Variants in BAIAP2L1 observed in about 807,000 individuals in gnomAD.
BAIAP2L1 encodes BAR/IMD domain-containing adapter protein 2-like 1.
A neutral mutation model predicts 66.3 loss-of-function variants in BAIAP2L1; 35 were observed. That is an observed-to-expected ratio of 0.53 (90% CI 0.40 to 0.70). The LOEUF is 0.70. Among genes scored for constraint, BAIAP2L1 ranks in the 30% least tolerant of loss-of-function variants. The pLI, the probability that BAIAP2L1 is intolerant of heterozygous loss-of-function variation, is 0.00. For synonymous variants in BAIAP2L1, 269 were observed against 248.7 expected (o/e 1.08, Z -0.77); for missense variants, 622 against 656.9 (o/e 0.95, Z 0.58).
intron 3 of BAIAP2L1, among the ~76,000 whole-genome samples, chr7:98,328,203 T>C (rs893993056): frequency 6.6e-6 from 1 of 151,968 alleles, no homozygotes; most frequent in African/African-American, 2.4e-5. Flanking sequence ...ATGAGGAAGA[T>C]GGGAAGGCTG....
At chr7:98,398,029 CCTT>C (rs1282539545) in intron 1 of BAIAP2L1, among the ~76,000 whole-genome samples, 2 of 152,142 alleles carry the variant, frequency 1.3e-5, no homozygotes, top group Non-Finnish European at 2.9e-5. Flanking sequence ...TATAATTCCT[CCTT>C]TTCTCTAAAG....
At position 98,373,657 on chromosome 7, in the gene BAIAP2L1, T is replaced by G. The variant is rs79718850; in HGVS notation, c.52-11225A>C. On this transcript the variant is annotated intron_variant, in intron 1 of 13. Transcript: ENST00000005260. The stretch of plus-strand genomic sequence containing the variant: ...GAGGATTCAGTGAGGCAGCTTAACA[T>G]TATGGAGTGCTTATCATGTACTCTG... Among the ~76,000 whole-genome samples the G allele has an allele frequency of 6.6e-5, 10 of 152,294 alleles. No individual in the cohort carries two copies. The East Asian group carries it at 1.9e-3, about 29-fold the overall frequency.
chr7:98,380,142 A>T (rs1275891362), intron 1 of BAIAP2L1, among the ~76,000 whole-genome samples: 2 of 149,438 alleles, frequency 1.3e-5, no homozygotes, highest in African/African-American at 5.0e-5. Context: ...CAGTGGTGTG[A>T]TCAGACCTCA....
chr7:98,355,286 G>C, intron 2 of BAIAP2L1, 158 bp from the exon 3 acceptor site: 2 of 627,846 alleles, frequency 3.2e-6, no homozygotes, highest in Non-Finnish European at 2.9e-6. Flanking sequence ...TGTTGAGAGT[G>C]GTGCCGGGGT....
rs79447145 is a variant in BAIAP2L1 at position 98,355,207 on chromosome 7, C to T, written c.128-79G>A. ...GCAACACAAGTTTTCTTCCAAACAC[C>T]CCCTGGTCCCTTCTGGCTGCAGGAA... is the stretch of plus-strand genomic sequence containing the variant. On this transcript the variant is annotated intron_variant, in intron 2 of 13. Transcript: ENST00000005260. 260 of 971,892 alleles carry T rather than the reference C, an allele frequency of 2.7e-4. 1 individual carries two copies. In the African/African-American group the frequency reaches 3.5e-3, roughly 13 times the overall value. 60.2% of individuals were successfully genotyped at this position (971,892 alleles called of 1,614,324 possible). A position where few individuals can be genotyped will look rare whatever the true frequency, so the allele number is the denominator to read the frequency against.
intron 3 of BAIAP2L1, among the ~76,000 whole-genome samples, chr7:98,329,750 T>C (rs1801451438): frequency 6.6e-6 from 1 of 150,568 alleles, no homozygotes; most frequent in South Asian, 2.1e-4. Context: ...CCAAAAGGCA[T>C]CCCAGGAACT....
At chr7:98,315,678 A>G in intron 6 of BAIAP2L1, 66 bp from the exon 7 acceptor site, 1 of 784,144 alleles carries the variant, frequency 1.3e-6, no homozygotes, top group Non-Finnish European at 1.7e-6. Context: ...GATAGCGTGC[A>G]GCCTGACGTT....
At chr7:98,304,076 C>CG in intron 12 of BAIAP2L1, 120 bp downstream of exon 12, 1 of 1,095,284 alleles carries the variant, frequency 9.1e-7, no homozygotes, top group South Asian at 2.0e-5. Context: ...CCCTCCTCCC[C>CG]GGGGACACCA....
intron 1 of BAIAP2L1, among the ~76,000 whole-genome samples, chr7:98,382,134 G>C (rs1802774175): frequency 6.6e-6 from 1 of 151,966 alleles, no homozygotes; most frequent in African/African-American, 2.4e-5. Context: ...GTGTTAGTCA[G>C]GATGGTCTCG....
chr7:98,347,740 A>C (rs1432101099), intron 3 of BAIAP2L1, among the ~76,000 whole-genome samples: 2 of 151,984 alleles, frequency 1.3e-5, no homozygotes, highest in African/African-American at 4.8e-5. Context: ...GCGCCACTGC[A>C]CTCTGTCTGC....
intron 1 of BAIAP2L1, among the ~76,000 whole-genome samples, chr7:98,395,134 C>A (rs1401074388): frequency 4.6e-5 from 7 of 151,086 alleles, no homozygotes; most frequent in South Asian, 2.1e-4. Flanking sequence ...AAAACAAAAC[C>A]AAAGAAAGAA....
In BAIAP2L1 at chr7:98,377,556, C is replaced by T. The variant is rs531675997; in HGVS notation, c.52-15124G>A. The stretch of plus-strand genomic sequence containing the variant: ...ACACTAGGCCAGGCCCGGTGGCTCA[C>T]GCCTGTAATCCCAGCACTTTGGGAG... On this transcript the variant is annotated intron_variant, in intron 1 of 13. Transcript: ENST00000005260. 3.3e-5 allele frequency among the ~76,000 whole-genome samples: 5 copies of T among 152,228 alleles called. No individual in the cohort carries two copies. In the South Asian group the frequency reaches 8.3e-4, roughly 25 times the overall value.
intron 2 of BAIAP2L1, among the ~76,000 whole-genome samples, chr7:98,359,618 A>G (rs1398544707): frequency 6.6e-6 from 1 of 151,864 alleles, no homozygotes; most frequent in East Asian, 1.9e-4. Flanking sequence ...GCTGAAACCT[A>G]ACATCTGGCA....
At position 98,362,344 on chromosome 7, in the gene BAIAP2L1, A is replaced by C. The variant is rs1373039806; in HGVS notation, c.127+13T>G. Reference sequence around the variant, plus strand: ...TGGCTTTATATATAATCAATTCAGAAAAACAGACTTACCGTTTACAGCTTT... The same window carrying C: ...TGGCTTTATATATAATCAATTCAGACAAACAGACTTACCGTTTACAGCTTT... On this transcript the variant is annotated intron_variant, in intron 2 of 13. Coordinates refer to ENST00000005260, the MANE Select transcript of BAIAP2L1 (RefSeq NM_018842.5). 4.4e-6 allele frequency: 7 copies of C among 1,590,692 alleles called. No individual in the cohort carries two copies. The highest frequency in any genetic ancestry group is 1.3e-5 in the African/African-American group (1 of 74,152).
At chr7:98,395,472 C>T (rs1803182939) in intron 1 of BAIAP2L1, among the ~76,000 whole-genome samples, 1 of 151,388 alleles carries the variant, frequency 6.6e-6, no homozygotes, top group African/African-American at 2.4e-5. Flanking sequence ...AGGGGCTACC[C>T]TTGGAGGGGT....
chr7:98,301,819 C>T (rs374526283), intron 12 of BAIAP2L1, among the ~76,000 whole-genome samples: 132 of 152,150 alleles, frequency 8.7e-4, no homozygotes, highest in Non-Finnish European at 1.4e-3. Context: ...CTGAAGCTCG[C>T]GGGTGTGAGC....
intron 3 of BAIAP2L1, among the ~76,000 whole-genome samples, chr7:98,324,818 C>A (rs1801338485): frequency 6.6e-6 from 1 of 152,198 alleles, no homozygotes; most frequent in African/African-American, 2.4e-5. Flanking sequence ...ATATTTTCTT[C>A]ATCAGTTCAC....
intron 1 of BAIAP2L1, chr7:98,385,795 T>C: frequency 6.0e-6 from 9 of 1,511,356 alleles, no homozygotes; most frequent in Non-Finnish European, 8.1e-6. Context: ...GTCTGAACTT[T>C]AAACAGATTC....
At chr7:98,354,565 T>C (rs916670740) in intron 3 of BAIAP2L1, among the ~76,000 whole-genome samples, 8 of 152,036 alleles carry the variant, frequency 5.3e-5, no homozygotes, top group African/African-American at 1.7e-4. Context: ...GTAACCGCCC[T>C]CTCTGCCTGC....
Sources: allele counts gnomAD v4.1 joint callset (sites outside exome capture counted in the v4.1 genomes callset), GRCh38; gene constraint gnomAD v4.1.1; transcripts MANE v1.5; gene names NCBI Gene and HGNC (gene_info 2026-07-23, HGNC 2026-07-21).